The following TRAF3 variants were observed in gnomAD, a reference collection of about 807,000 sequenced individuals.
The protein encoded by TRAF3 is TNF receptor-associated factor 3.
A neutral mutation model predicts 62.3 loss-of-function variants in TRAF3; 13 were observed. The ratio of observed to expected loss-of-function variants is 0.21; its 90% CI spans 0.14 to 0.33. TRAF3 has a LOEUF of 0.33. TRAF3 is among the 10% of genes least tolerant of loss of function. The probability of loss-of-function intolerance (pLI) is 1.00; values close to 1 mark genes in which losing one functional copy is unlikely to be tolerated. For synonymous variants in TRAF3, 269 were observed against 283.4 expected (o/e 0.95, Z 0.51); for missense variants, 440 against 741.8 (o/e 0.59, Z 4.73).
At chr14:102,795,084 T>G (rs1385128922) in intron 1 of TRAF3, among the ~76,000 whole-genome samples, 1 of 152,222 alleles carries the variant, frequency 6.6e-6, no homozygotes, top group Non-Finnish European at 1.5e-5. Context: ...TTACTCTAGA[T>G]CATTCTAGTA....
At chr14:102,792,375 C>G (rs1897848238) in intron 1 of TRAF3, among the ~76,000 whole-genome samples, 1 of 151,580 alleles carries the variant, frequency 6.6e-6, no homozygotes, top group African/African-American at 2.4e-5. Flanking sequence ...AGTTCTCCTG[C>G]CTTAGCCTCC....
chr14:102,838,837 A>C (rs890320324), intron 2 of TRAF3, among the ~76,000 whole-genome samples: 1 of 152,146 alleles, frequency 6.6e-6, no homozygotes, highest in Non-Finnish European at 1.5e-5. Flanking sequence ...TCTGATTGTT[A>C]CATTGAATTC....
intron 1 of TRAF3, among the ~76,000 whole-genome samples, chr14:102,818,358 C>T (rs1005100723): frequency 5.9e-5 from 9 of 152,180 alleles, no homozygotes; most frequent in Non-Finnish European, 8.8e-5. Context: ...TAAAGTTCTT[C>T]AGCCTTCTTA....
At chr14:102,854,945 AT>A (rs1191100428) in intron 2 of TRAF3, among the ~76,000 whole-genome samples, 1 of 151,872 alleles carries the variant, frequency 6.6e-6, no homozygotes, top group East Asian at 1.9e-4. Flanking sequence ...GTTCCAACAC[AT>A]TTTTTTCGTT....
Position 102,864,891 on chromosome 14 carries a change from G to GCC in TRAF3, c.-17-5292_-17-5291dup, listed in dbSNP as rs1887892140. On this transcript the variant is annotated intron_variant, in intron 2 of 11. Transcript: ENST00000392745. ...GCTGAGGGAGATATGCCAGGTTAGTGCCCAGCAGTAGGGATGGTTGTTACT... is the reference window on the plus strand; with the variant it reads ...GCTGAGGGAGATATGCCAGGTTAGTGCCCCCAGCAGTAGGGATGGTTGTTACT... Among the ~76,000 whole-genome samples the GCC allele has an allele frequency of 3.9e-5, 6 of 152,290 alleles. No individual in the cohort carries two copies. In the South Asian group the frequency reaches 1.2e-3, roughly 32 times the overall value.
chr14:102,833,704 C>T (rs1229651573), intron 2 of TRAF3, among the ~76,000 whole-genome samples: 3 of 152,110 alleles, frequency 2.0e-5, no homozygotes, highest in Non-Finnish European at 4.4e-5. Flanking sequence ...TAAAAATATT[C>T]GGGCATGTGG....
At chr14:102,780,226 G>C (rs1188005672) in intron 1 of TRAF3, among the ~76,000 whole-genome samples, 1 of 152,144 alleles carries the variant, frequency 6.6e-6, no homozygotes, top group Admixed American at 6.5e-5. Flanking sequence ...GCCCGGGAGA[G>C]GTACAGGGGA....
chr14:102,842,136 C>T (rs971325504), intron 2 of TRAF3, among the ~76,000 whole-genome samples: 1 of 151,410 alleles, frequency 6.6e-6, no homozygotes, highest in Non-Finnish European at 1.5e-5. Flanking sequence ...CCCAGCTACT[C>T]GGGAGACTGA....
At chr14:102,883,348 A>G (rs1889176688) in intron 6 of TRAF3, among the ~76,000 whole-genome samples, 1 of 152,238 alleles carries the variant, frequency 6.6e-6, no homozygotes, top group Non-Finnish European at 1.5e-5. Flanking sequence ...ATTCTGTATT[A>G]ACAAAATTCA....
rs775340536 is a variant in TRAF3, at chr14:102,875,739, A to G, written c.402+11A>G. 4.8e-5 allele frequency: 77 copies of G among 1,609,086 alleles called. No homozygotes were observed. The highest frequency in any genetic ancestry group is 3.3e-4 in the Middle Eastern group (2 of 6,072). On this transcript the variant is annotated intron_variant, in intron 5 of 11. Coordinates refer to ENST00000392745, the MANE Select transcript of TRAF3 (RefSeq NM_145725.3). The stretch of plus-strand genomic sequence containing the variant: ...CTGGGACATCTGCTGGTGAGTAGCA[A>G]AGGGACACTGGAACCTTTTACATGA...
At chr14:102,779,820 A>G (rs1459328705) in intron 1 of TRAF3, among the ~76,000 whole-genome samples, 1 of 152,250 alleles carries the variant, frequency 6.6e-6, no homozygotes, top group African/African-American at 2.4e-5. Context: ...ATCTTCATAT[A>G]GCAAGACTCT....
At chr14:102,881,269 A>G (rs1005274193) in intron 6 of TRAF3, among the ~76,000 whole-genome samples, 1 of 152,064 alleles carries the variant, frequency 6.6e-6, no homozygotes, top group African/African-American at 2.4e-5. Context: ...CTGTAATCCC[A>G]GCTACTCGGG....
chr14:102,838,634 A>G (rs1290068150), intron 2 of TRAF3, among the ~76,000 whole-genome samples: 2 of 152,218 alleles, frequency 1.3e-5, no homozygotes, highest in Non-Finnish European at 2.9e-5. Flanking sequence ...AGTGTTTGAC[A>G]GGCAGTGGAA....
At chr14:102,891,650 G>C (rs1006953478) in intron 9 of TRAF3, among the ~76,000 whole-genome samples, 20 of 151,716 alleles carry the variant, frequency 1.3e-4, no homozygotes, top group African/African-American at 4.6e-4. Flanking sequence ...ATCACATTGT[G>C]ATTATTTTAG....
At chr14:102,811,681 G>A (rs1001361552) in intron 1 of TRAF3, among the ~76,000 whole-genome samples, 20 of 149,022 alleles carry the variant, frequency 1.3e-4, no homozygotes, top group African/African-American at 4.7e-4. Context: ...TTGATCGGAA[G>A]TTGCTAAGAT....
chr14:102,800,740 A>C (rs1360234820), intron 1 of TRAF3, among the ~76,000 whole-genome samples: 4 of 126,304 alleles, frequency 3.2e-5, no homozygotes, highest in Non-Finnish European at 4.7e-5. Flanking sequence ...TCTGTTGCCC[A>C]GGCTAGAATC....
chr14:102,806,089 G>A (rs1898757150), intron 1 of TRAF3, among the ~76,000 whole-genome samples: 1 of 151,918 alleles, frequency 6.6e-6, no homozygotes, highest in Non-Finnish European at 1.5e-5. Context: ...AAGTGGGGTG[G>A]GGGATGCCAC....
chr14:102,839,809 G>A (rs927429777), intron 2 of TRAF3, among the ~76,000 whole-genome samples: 94 of 152,306 alleles, frequency 6.2e-4, no homozygotes, highest in African/African-American at 2.2e-3. Flanking sequence ...CACATCTAAT[G>A]ATTGCCTCTG....
intron 6 of TRAF3, among the ~76,000 whole-genome samples, chr14:102,878,493 A>T (rs746172973): frequency 3.3e-5 from 5 of 152,090 alleles, no homozygotes; most frequent in African/African-American, 4.8e-5. Flanking sequence ...ACACACTTAG[A>T]AAACAATGCA....
Sources: allele counts gnomAD v4.1 joint callset (sites outside exome capture counted in the v4.1 genomes callset), GRCh38; gene constraint gnomAD v4.1.1; transcripts MANE v1.5; gene names NCBI Gene and HGNC (gene_info 2026-07-23, HGNC 2026-07-21).